The following CPSF7 variants were observed in gnomAD, a reference collection of about 807,000 sequenced individuals.
CPSF7 encodes cleavage and polyadenylation specific factor 7.
Under a neutral mutation model 44.3 loss-of-function variants are expected in CPSF7, and 1 was observed. The observed-to-expected ratio is 0.02, with a 90% CI of 0.01 to 0.11. The LOEUF (loss-of-function observed/expected upper bound fraction) is 0.11, where lower values mean the gene tolerates loss of function less well. CPSF7 is among the 10% of genes least tolerant of loss of function. CPSF7 has a pLI of 1.00. For synonymous variants in CPSF7, 202 were observed against 222.0 expected, an observed-to-expected ratio of 0.91 and a Z score of 0.80; for missense variants, 443 against 607.2, an observed-to-expected ratio of 0.73 and a Z score of 2.84.
chr11:61,426,794 G>C (rs555688112), intron 2 of CPSF7: 1 of 152,132 alleles, frequency 6.6e-6, no homozygotes, highest in South Asian at 2.1e-4. Context: ...TTGGGAGGCC[G>C]AGGTGGGCAG....
At chr11:61,429,815 A>G (rs1341597219) in intron 1 of CPSF7, 99 bp downstream of exon 1, 1 of 1,547,176 alleles carries the variant, frequency 6.5e-7, no homozygotes, top group Middle Eastern at 1.7e-4. Context: ...CCGCCCGCAG[A>G]CTCCGGCCGT....
chr11:61,422,144 A>C (rs752987326), intron 2 of CPSF7, among the ~76,000 whole-genome samples: 6 of 152,206 alleles, frequency 3.9e-5, no homozygotes, highest in Non-Finnish European at 1.5e-5. Context: ...CTTGATTGGT[A>C]TAAATGATTT....
chr11:61,410,746 A>C, intron 9 of CPSF7, 192 bp downstream of exon 9: 1 of 499,870 alleles, frequency 2.0e-6, no homozygotes, highest in Non-Finnish European at 3.4e-6. Context: ...AAACAAGCAG[A>C]AACAGCTGAA....
At position 61,403,398 on chromosome 11, in the gene CPSF7, A is replaced by G. The variant is rs903340896; in HGVS notation, c.*1312T>C. 4.6e-5 allele frequency: 7 copies of G among 152,160 alleles called. No homozygotes were observed. Among genetic ancestry groups the G allele is most frequent in the African/African-American group, 1.7e-4 (7 of 41,432 alleles). The allele number at this position is 152,160 out of a possible 1,614,324, so 9.4% of individuals were successfully genotyped here. A position where few individuals can be genotyped will look rare whatever the true frequency, so the allele number is the denominator to read the frequency against. ...GCTGCTGCCTCCTCCTTCAGCAGCA[A>G]CCACATTACAATTTGGATGTTATGG... On this transcript the variant is annotated 3_prime_UTR_variant, in exon 10 of 10. Transcript: ENST00000439958.
At chr11:61,412,039 GTC>G in intron 7 of CPSF7, 102 bp from the exon 8 acceptor site, 2 of 1,002,882 alleles carry the variant, frequency 2.0e-6, no homozygotes, top group Admixed American at 2.1e-5. Context: ...GTAGCTAGCC[GTC>G]CCAAACAACC....
chr11:61,418,603 T>C (rs555752609), intron 5 of CPSF7, among the ~76,000 whole-genome samples: 32 of 152,290 alleles, frequency 2.1e-4, no homozygotes, highest in Admixed American at 7.2e-4. Context: ...GAGACCCTAA[T>C]TGGGAAACCA....
At chr11:61,413,951 T>C (rs1288272153) in intron 7 of CPSF7, among the ~76,000 whole-genome samples, 1 of 152,144 alleles carries the variant, frequency 6.6e-6, no homozygotes, top group East Asian at 1.9e-4. Flanking sequence ...TGCCTGTTTT[T>C]GTAGTATCTT....
intron 6 of CPSF7, 22 bp from the exon 7 acceptor site, chr11:61,415,806 C>T: frequency 1.4e-6 from 2 of 1,474,404 alleles, no homozygotes; most frequent in South Asian, 1.1e-5. Context: ...AAATACCATC[C>T]TTGATTGCTC....
rs1422674478 is a variant in CPSF7 at position 61,404,399 on chromosome 11, G to A, written c.*311C>T. ...CTCCCGGAGAATCAGAAACTCATAC[G>A]TTTTCTTGGACAAAGCACCATTCTC... On this transcript the variant is annotated 3_prime_UTR_variant, in exon 10 of 10. Coordinates refer to ENST00000439958, the MANE Select transcript of CPSF7 (RefSeq NM_001142565.3). 1 of 152,552 alleles carries A rather than the reference G, an allele frequency of 6.6e-6. No homozygotes were observed. Among genetic ancestry groups the A allele is most frequent in the East Asian group, 1.9e-4 (1 of 5,186 alleles). The allele number at this position is 152,552 out of a possible 1,614,324, so 9.4% of individuals were successfully genotyped here.
rs552842811 is a variant in CPSF7, at chr11:61,421,199, T to C, written c.273+191A>G. 441 of 1,141,836 alleles carry C rather than the reference T, an allele frequency of 3.9e-4. 5 individuals carry two copies. The South Asian group carries it at 4.7e-3, about 12-fold the overall frequency. 70.7% of individuals were successfully genotyped at this position (1,141,836 alleles called of 1,614,324 possible). Reference sequence around the variant, plus strand: ...GAAAAAGCAACTACCCACTTAATCATTGCTTTCTTCGGCACCAGTACGTCC... The same window carrying C: ...GAAAAAGCAACTACCCACTTAATCACTGCTTTCTTCGGCACCAGTACGTCC... On this transcript the variant is annotated intron_variant, in intron 3 of 9. Transcript: ENST00000439958.
intron 9 of CPSF7, among the ~76,000 whole-genome samples, chr11:61,405,717 T>A (rs1859252115): frequency 6.6e-6 from 1 of 152,236 alleles, no homozygotes; most frequent in South Asian, 2.1e-4. Context: ...ACCTTTTATA[T>A]AACTACTTCT....
chr11:61,429,067 C>T (rs866663650), intron 2 of CPSF7, 115 bp downstream of exon 2: 12 of 577,372 alleles, frequency 2.1e-5, no homozygotes, highest in Middle Eastern at 2.7e-4. Context: ...AATTTTAGAC[C>T]GGATAGACGC....
intron 2 of CPSF7, among the ~76,000 whole-genome samples, chr11:61,423,132 G>GAAAAATT (rs1320881290): frequency 9.8e-6 from 1 of 101,810 alleles, no homozygotes; most frequent in Non-Finnish European, 1.8e-5. Context: ...AAAAAAAAAG[G>GAAAAATT]GTTCAGGATT....
intron 9 of CPSF7, among the ~76,000 whole-genome samples, chr11:61,410,365 T>TCTC (rs1025423768): frequency 6.6e-6 from 1 of 152,316 alleles, no homozygotes; most frequent in Admixed American, 6.5e-5. Flanking sequence ...ATCATAGGTG[T>TCTC]GAGCCATCAT....
At chr11:61,405,209 C>T (rs1590655676) in intron 9 of CPSF7, among the ~76,000 whole-genome samples, 5 of 152,218 alleles carry the variant, frequency 3.3e-5, no homozygotes, top group African/African-American at 1.2e-4. Flanking sequence ...CCCAAACACC[C>T]AAGAGGCCCT....
At position 61,411,034 on chromosome 11, in the gene CPSF7, A is replaced by C; in HGVS notation, c.1298T>G (p.Leu433Arg). Residue 433 changes from leucine (L) to arginine (R), a missense_variant, in exon 9 of 10, where the codon CTT becomes CGT. Leu to Arg is a moderately radical substitution (Grantham distance 102). Transcript: ENST00000439958. ...ATCATCATGCCGATCTTCATTATGA[A>C]GCAGATCCCGGTGCCTCCTGCTGCT... Reference protein sequence around the residue: ...RESSRRHRDLLHNEDRHDDYF... With the variant: ...RESSRRHRDLRHNEDRHDDYF... 1 of 1,613,722 alleles carries C rather than the reference A, an allele frequency of 6.2e-7. No individual in the cohort carries two copies. The highest frequency in any genetic ancestry group is 8.5e-7 in the Non-Finnish European group (1 of 1,179,922).
At chr11:61,410,766 A>C in intron 9 of CPSF7, 172 bp downstream of exon 9, 1 of 586,376 alleles carries the variant, frequency 1.7e-6, no homozygotes, top group East Asian at 3.1e-5. Context: ...ATCTCAGGGT[A>C]AGACTCCCCA....
chr11:61,429,366 C>A, intron 1 of CPSF7, 76 bp from the exon 2 acceptor site: 1 of 851,952 alleles, frequency 1.2e-6, no homozygotes. Context: ...GATTGCTAAC[C>A]TCCCATCTCC....
chr11:61,425,927 C>T (rs1225720791), intron 2 of CPSF7, among the ~76,000 whole-genome samples: 1 of 152,094 alleles, frequency 6.6e-6, no homozygotes, highest in East Asian at 1.9e-4. Flanking sequence ...TATTGATGGA[C>T]ATAAGGAAGA....
Sources: gnomAD v4.1 joint callset for allele counts (sites outside exome capture counted in the v4.1 genomes callset) on GRCh38, gnomAD v4.1.1 for gene constraint, MANE v1.5 for transcripts, NCBI Gene and HGNC (gene_info 2026-07-23, HGNC 2026-07-21) for gene names.